ANKRD37: variants seen among roughly 807,000 people sequenced by gnomAD.
The protein encoded by ANKRD37 is ankyrin repeat domain-containing protein 37.
A neutral mutation model predicts 19.7 loss-of-function variants in ANKRD37; 17 were observed. The ratio of observed to expected loss-of-function variants is 0.86; its 90% confidence interval spans 0.59 to 1.29. The LOEUF (loss-of-function observed/expected upper bound fraction) is 1.29. ANKRD37 is among the 50% of genes most tolerant of loss of function. The pLI is 0.00. For missense variants in ANKRD37, 207 were observed against 190.4 expected, an observed-to-expected ratio of 1.09 and a Z score of -0.51; for synonymous variants, 79 against 74.5, an observed-to-expected ratio of 1.06 and a Z score of -0.31.
chr4:185,398,642 G>T (rs1201482987), intron 2 of ANKRD37, among the ~76,000 whole-genome samples: 2 of 152,230 alleles, frequency 1.3e-5, no homozygotes, highest in Non-Finnish European at 2.9e-5. Context: ...AATTAGAAGA[G>T]ATGTTGATGC....
intron 4 of ANKRD37, 103 bp downstream of exon 4, chr4:185,399,876 T>C (rs571550496): frequency 6.4e-7 from 1 of 1,551,262 alleles, no homozygotes; most frequent in Admixed American, 2.0e-5. Flanking sequence ...TCTAGTAGTA[T>C]TGTTTCATTC....
chr4:185,397,153 G>C lies in ANKRD37; in HGVS notation c.31G>C (p.Asp11His). The C allele has an allele frequency of 1.2e-6, 2 of 1,613,392 alleles. No homozygotes were observed. The highest frequency in any genetic ancestry group is 1.7e-6 in the Non-Finnish European group (2 of 1,179,984). MLLLDCNPEV[D>H]GLKHLLETGA... ...TGGATCTGTTCTCTTCCTGCAGGTG[G>C]ATGGTCTGAAGCATTTGCTGGAGAC... Residue 11 changes from aspartate to histidine, a missense_variant, in exon 2 of 5, where the codon GAT (aspartate) becomes CAT (histidine). Coordinates refer to ENST00000335174, the MANE Select transcript of ANKRD37 (RefSeq NM_181726.4).
In ANKRD37 at chr4:185,400,021, C is replaced by G; in HGVS notation, c.*4C>G. ...TTAACGTGTTTTTAAAAACAGATGT[C>G]ACGTGGGTTATGAAGAAGTCTGAAG... On this transcript the variant is annotated 3_prime_UTR_variant, in exon 5 of 5. Transcript: ENST00000335174. 6.2e-7 allele frequency: 1 copy of G among 1,600,236 alleles called. No individual in the cohort carries two copies. Among genetic ancestry groups the G allele is most frequent in the Non-Finnish European group, 8.5e-7 (1 of 1,175,074 alleles).
intron 3 of ANKRD37, among the ~76,000 whole-genome samples, chr4:185,399,278 G>A (rs1040899742): frequency 1.3e-5 from 2 of 152,014 alleles, no homozygotes; most frequent in African/African-American, 2.4e-5. Context: ...CTTCAGTTTC[G>A]GTTCAGGAAA....
rs2095504855 is a variant in ANKRD37 at position 185,396,891 on chromosome 4, C to T, written c.-33C>T. 6.2e-7 allele frequency: 1 copy of T among 1,612,248 alleles called. No individual in the cohort carries two copies. Among genetic ancestry groups the T allele is most frequent in the South Asian group, 1.1e-5 (1 of 91,084 alleles). ...GCGAGTGTCTCACCTCTCTGCACTT[C>T]CAAGGACTCTTGTCATCTGCCTTAG... On this transcript the variant is annotated 5_prime_UTR_variant, in exon 1 of 5. Coordinates refer to ENST00000335174, the MANE Select transcript of ANKRD37 (RefSeq NM_181726.4).
chr4:185,400,334 A>ATTCT (rs555809622), downstream of ANKRD37: 102 of 1,338,584 alleles, frequency 7.6e-5, 1 homozygote, highest in African/African-American at 1.4e-3. Context: ...AATTAAACTG[A>ATTCT]TTCTTTATTC....
Position 185,400,023 on chromosome 4 carries a change from C to T in ANKRD37, c.*6C>T, listed in dbSNP as rs773771129. ...AACGTGTTTTTAAAAACAGATGTCA[C>T]GTGGGTTATGAAGAAGTCTGAAGAA... On this transcript the variant is annotated 3_prime_UTR_variant, in exon 5 of 5. Coordinates refer to ENST00000335174, the MANE Select transcript of ANKRD37 (RefSeq NM_181726.4). 2.8e-5 allele frequency: 44 copies of T among 1,599,324 alleles called. 1 individual carries two copies. The South Asian group carries it at 3.4e-4, about 12-fold the overall frequency.
downstream of ANKRD37, chr4:185,400,420 C>T (rs1460437305): frequency 6.2e-7 from 1 of 1,613,694 alleles, no homozygotes; most frequent in African/African-American, 1.3e-5. Context: ...CTGAGGAAGA[C>T]ATAAGTTATA....
intron 2 of ANKRD37, among the ~76,000 whole-genome samples, chr4:185,398,358 A>G (rs953416442): frequency 1.3e-5 from 2 of 152,258 alleles, no homozygotes; most frequent in African/African-American, 4.8e-5. Context: ...ACAAAAATAA[A>G]AAGCTTGAAT....
At chr4:185,400,294 G>A (rs545090918), downstream of ANKRD37, 1 of 1,030,258 alleles carries the variant, frequency 9.7e-7, no homozygotes, top group Non-Finnish European at 1.4e-6. Flanking sequence ...AATTTAAATC[G>A]TCAAACTAGA....
intron 4 of ANKRD37, 84 bp from the exon 5 acceptor site, chr4:185,399,932 CA>C: frequency 6.4e-7 from 1 of 1,555,028 alleles, no homozygotes; most frequent in South Asian, 1.2e-5. Flanking sequence ...GTCTAGAGAC[CA>C]AAAATGGGAC....
In ANKRD37 at chr4:185,397,301, A is replaced by C. The variant is rs777430349; in HGVS notation, c.179A>C (p.Gln60Pro). ...QLQTGADLNQ[Q>P]DVLGEAPLHK... The stretch of plus-strand genomic sequence containing the variant: ...CAAACGGGCGCTGACCTCAACCAGC[A>C]GGTAACTAGGTAACTGTTGCTGTGT... The change falls in exon 2 of 5, where the codon CAG becomes CCG. Residue 60 changes from glutamine to proline, a missense_variant and splice_region_variant. Coordinates refer to ENST00000335174, the MANE Select transcript of ANKRD37 (RefSeq NM_181726.4). The C allele has an allele frequency of 6.2e-7, 1 of 1,613,660 alleles. No individual in the cohort carries two copies. Among genetic ancestry groups the C allele is most frequent in the Admixed American group, 1.7e-5 (1 of 59,968 alleles).
chr4:185,399,812 T>A (rs2095511024), intron 4 of ANKRD37, 39 bp downstream of exon 4: 2 of 1,611,808 alleles, frequency 1.2e-6, no homozygotes, highest in Non-Finnish European at 1.7e-6. Flanking sequence ...CCTCCCGCAG[T>A]GATCTCTTGT....
Position 185,396,918 on chromosome 4 carries a change from C to CGGGAAATGCTGTT in ANKRD37, c.-4_9dup. ...AAGGACTCTTGTCATCTGCCTTAGG[C>CGGGAAATGCTGTT]GGGAAATGCTGTTGCTGGATTGCAA... On this transcript the variant is annotated 5_prime_UTR_variant, in exon 1 of 5. The change creates a new upstream start codon in the 5' untranslated region. Transcript: ENST00000335174. The CGGGAAATGCTGTT allele has an allele frequency of 6.2e-7, 1 of 1,613,498 alleles. No homozygotes were observed. Among genetic ancestry groups the CGGGAAATGCTGTT allele is most frequent in the Non-Finnish European group, 8.5e-7 (1 of 1,180,012 alleles).
At chr4:185,400,704 T>TA (rs971181848), downstream of ANKRD37, 30 of 390,794 alleles carry the variant, frequency 7.7e-5, no homozygotes, top group Non-Finnish European at 1.0e-4. Flanking sequence ...TAAAAATCAT[T>TA]AAAAAAAATT....
chr4:185,396,843 G>C lies in ANKRD37; in HGVS notation c.-81G>C. 1 of 1,463,854 alleles carries C rather than the reference G, an allele frequency of 6.8e-7. No homozygotes were observed. Among genetic ancestry groups the C allele is most frequent in the Non-Finnish European group, 9.5e-7 (1 of 1,051,316 alleles). The allele number at this position is 1,463,854 out of a possible 1,614,324, so 90.7% of individuals were successfully genotyped here. A position where few individuals can be genotyped will look rare whatever the true frequency, so the allele number is the denominator to read the frequency against. Reference sequence around the variant, plus strand: ...TTCTCCCGTGCTAGGGCCAGCCTGCGCATTCTTACCTGTCGGGGTGCGGCG... The same window carrying C: ...TTCTCCCGTGCTAGGGCCAGCCTGCCCATTCTTACCTGTCGGGGTGCGGCG... On this transcript the variant is annotated 5_prime_UTR_variant, in exon 1 of 5. Transcript: ENST00000335174.
chr4:185,400,285 AT>A (rs1317785863), downstream of ANKRD37: 1 of 966,250 alleles, frequency 1.0e-6, no homozygotes, highest in Non-Finnish European at 1.5e-6. Flanking sequence ...AAAGGTCATA[AT>A]TTAAATCGTC....
At position 185,397,202 on chromosome 4, in the gene ANKRD37, C is replaced by T. The variant is rs780737162; in HGVS notation, c.80C>T (p.Pro27Leu). 3 of 1,613,886 alleles carry T rather than the reference C, an allele frequency of 1.9e-6. No individual in the cohort carries two copies. Among genetic ancestry groups the T allele is most frequent in the Admixed American group, 1.7e-5 (1 of 60,012 alleles). The part of the protein sequence containing the change: ...LETGASVNAP[P>L]DPCKQSPVHL... Reference sequence around the variant, plus strand: ...ACAGGGGCCTCGGTCAACGCACCCCCGGATCCCTGCAAGCAGTCGCCTGTC... The same window carrying T: ...ACAGGGGCCTCGGTCAACGCACCCCTGGATCCCTGCAAGCAGTCGCCTGTC... The change falls in exon 2 of 5, where the codon CCG (proline) becomes CTG (leucine). Residue 27 changes from proline to leucine, a missense_variant. By Grantham distance (98) the Pro-to-Leu change is moderately conservative (BLOSUM62 -3). Transcript: ENST00000335174.
chr4:185,399,865 T>A, intron 4 of ANKRD37, 92 bp downstream of exon 4: 1 of 1,563,424 alleles, frequency 6.4e-7, no homozygotes, highest in Non-Finnish European at 8.7e-7. Context: ...ACACTCGTAT[T>A]TCTAGTAGTA....
Sources: allele counts gnomAD v4.1 joint callset (sites outside exome capture counted in the v4.1 genomes callset), GRCh38; gene constraint gnomAD v4.1.1; transcripts MANE v1.5; gene names NCBI Gene and HGNC (gene_info 2026-07-23, HGNC 2026-07-21).